The following RASA3 variants were observed in gnomAD, a reference collection of about 807,000 sequenced individuals.
RASA3 encodes the protein ras GTPase-activating protein 3.
Under a neutral mutation model 110.0 loss-of-function variants are expected in RASA3, and 73 were observed. That is an observed-to-expected ratio of 0.66 (90% CI 0.55 to 0.81). RASA3 has a LOEUF of 0.81. Among genes scored for constraint, RASA3 ranks in the 30% least tolerant of loss-of-function variants. The probability of loss-of-function intolerance (pLI) is 0.00; values close to 1 mark genes in which losing one functional copy is unlikely to be tolerated. For synonymous variants in RASA3, 500 were observed against 451.4 expected (o/e 1.11, Z -1.37); for missense variants, 976 against 1,113.2 (o/e 0.88, Z 1.75).
At chr13:114,104,829 A>G (rs1438841601) in intron 1 of RASA3, among the ~76,000 whole-genome samples, 3 of 149,528 alleles carry the variant, frequency 2.0e-5, no homozygotes, top group African/African-American at 7.4e-5. Context: ...CAGCCCACAC[A>G]TGCTCACCCC....
intron 23 of RASA3, among the ~76,000 whole-genome samples, chr13:113,980,094 T>TCC (rs2052883089): frequency 9.6e-6 from 1 of 103,670 alleles, no homozygotes; most frequent in Admixed American, 9.0e-5. Context: ...ACCTCCCACG[T>TCC]GTGTGCACCC....
At chr13:113,982,951 C>T (rs758371031) in intron 22 of RASA3, among the ~76,000 whole-genome samples, 4 of 152,160 alleles carry the variant, frequency 2.6e-5, no homozygotes, top group Admixed American at 1.3e-4. Context: ...AAGTGAATTC[C>T]TGCTGTCTGT....
At chr13:114,105,505 C>T (rs2080121171) in intron 1 of RASA3, among the ~76,000 whole-genome samples, 1 of 152,200 alleles carries the variant, frequency 6.6e-6, no homozygotes, top group Non-Finnish European at 1.5e-5. Context: ...GGAGGAGCAG[C>T]ACTGGCAGCC....
chr13:113,981,871 G>A lies in RASA3; in HGVS notation c.2246-13C>T, dbSNP rs766809458. On this transcript the variant is annotated splice_polypyrimidine_tract_variant and intron_variant, in intron 22 of 23. Coordinates refer to ENST00000334062, the MANE Select transcript of RASA3 (RefSeq NM_007368.4). ...CTCCCACAGGCCTCTGTGGAGGGCGGAGGGGTCAGCGCAGGGCAGGAGCCC... is the reference window on the plus strand; with the variant it reads ...CTCCCACAGGCCTCTGTGGAGGGCGAAGGGGTCAGCGCAGGGCAGGAGCCC... 1.9e-5 allele frequency: 31 copies of A among 1,611,998 alleles called. No homozygotes were observed. In the East Asian group the frequency reaches 6.5e-4, roughly 34 times the overall value.
At chr13:114,018,329 T>C in intron 10 of RASA3, 77 bp from the exon 11 acceptor site, 3 of 1,457,280 alleles carry the variant, frequency 2.1e-6, no homozygotes, top group Non-Finnish European at 2.7e-6. Flanking sequence ...TTGGCTGGGG[T>C]CTCACTTCCA....
chr13:114,041,286 A>G (rs894288543), intron 3 of RASA3, among the ~76,000 whole-genome samples, 192 bp from the exon 4 acceptor site: 1 of 152,236 alleles, frequency 6.6e-6, no homozygotes, highest in Admixed American at 6.5e-5. Context: ...GTCGCTTGAG[A>G]CCAGCCTGAG....
intron 1 of RASA3, among the ~76,000 whole-genome samples, chr13:114,077,397 A>G (rs759715658): frequency 9.0e-5 from 12 of 133,952 alleles, no homozygotes; most frequent in Middle Eastern, 4.6e-3. Context: ...AACGCACCCA[A>G]TTCATCCCTC....
intron 3 of RASA3, among the ~76,000 whole-genome samples, chr13:114,047,198 G>A (rs1057087177): frequency 2.6e-5 from 4 of 152,172 alleles, no homozygotes; most frequent in African/African-American, 9.7e-5. Context: ...GAATATACAG[G>A]GAACTTTAAA....
rs370614088 is a variant in RASA3 at position 114,009,498 on chromosome 13, C to T, written c.1591-34G>A. 117 of 1,412,660 alleles carry T rather than the reference C, an allele frequency of 8.3e-5. 2 individuals carry two copies. In the South Asian group the frequency reaches 8.4e-4, roughly 10 times the overall value. 87.5% of individuals were successfully genotyped at this position (1,412,660 alleles called of 1,614,324 possible). ...AAACGGAGATCACTCGAGGACAGCC[C>T]GAAGTACCTCGGCTCACGGCCCAAA... On this transcript the variant is annotated intron_variant, in intron 16 of 23. Coordinates refer to ENST00000334062, the MANE Select transcript of RASA3 (RefSeq NM_007368.4).
chr13:114,024,390 C>T (rs761741522), intron 7 of RASA3, 35 bp from the exon 8 acceptor site: 9 of 1,600,410 alleles, frequency 5.6e-6, no homozygotes, highest in South Asian at 3.3e-5. Flanking sequence ...GCTGAGACCG[C>T]GGTGCCACCA....
intron 2 of RASA3, among the ~76,000 whole-genome samples, chr13:114,069,516 G>A (rs2079521190): frequency 6.8e-5 from 6 of 87,680 alleles, no homozygotes; most frequent in Non-Finnish European, 1.4e-4. Flanking sequence ...CAGGGGGCCA[G>A]GAGACACAGG....
chr13:114,024,015 C>T (rs770915782), intron 8 of RASA3, among the ~76,000 whole-genome samples: 1 of 152,228 alleles, frequency 6.6e-6, no homozygotes, highest in African/African-American at 2.4e-5. Context: ...CTGCAGCCCC[C>T]GTCACTCCAG....
chr13:113,980,559 C>T (rs1370884648), intron 23 of RASA3, among the ~76,000 whole-genome samples: 1 of 152,270 alleles, frequency 6.6e-6, no homozygotes, highest in African/African-American at 2.4e-5. Flanking sequence ...ATGCTTCGCG[C>T]ATTTTCAACC....
chr13:114,109,845 T>C (rs2080192690), intron 1 of RASA3, among the ~76,000 whole-genome samples: 1 of 152,092 alleles, frequency 6.6e-6, no homozygotes, highest in Non-Finnish European at 1.5e-5. Context: ...GGGGGTGGCC[T>C]CGCGGCGGCA....
In RASA3 at chr13:114,057,531, TAAG is replaced by T. The variant is rs1383502187; in HGVS notation, c.174-5379_174-5377del. ...TTAGACCGATGATTTATTTAGGGAA[TAAG>T]AAGGGCGATTCCAGGGACAGTGGAG... is the stretch of plus-strand genomic sequence containing the variant. On this transcript the variant is annotated intron_variant, in intron 2 of 23. Coordinates refer to ENST00000334062, the MANE Select transcript of RASA3 (RefSeq NM_007368.4). This position sits in a 1 kb window ranked among gnomAD's most constrained non-coding sequence, Gnocchi z 5.0. 1 of 984,382 alleles carries T rather than the reference TAAG, an allele frequency of 1.0e-6. No individual in the cohort carries two copies. The highest frequency in any genetic ancestry group is 1.7e-5 in the African/African-American group (1 of 57,180). 61.0% of individuals were successfully genotyped at this position (984,382 alleles called of 1,614,324 possible).
At chr13:114,072,555 T>C (rs1486300161) in intron 2 of RASA3, among the ~76,000 whole-genome samples, 36 of 152,206 alleles carry the variant, frequency 2.4e-4, no homozygotes, top group Non-Finnish European at 1.5e-5. Flanking sequence ...TAATTTGTAC[T>C]CTTTTGTGGA....
rs749911546 is a variant in RASA3, at chr13:114,106,994, G to GC, written c.55+25440dup. ...TAACTCTTTTCCCTCCCTCAGCCAG[G>GC]CCCCCCCAGAGCCACATCTGGCAAG... On this transcript the variant is annotated intron_variant, in intron 1 of 23. Transcript: ENST00000334062. 4.6e-5 allele frequency among the ~76,000 whole-genome samples: 7 copies of GC among 152,184 alleles called. No individual in the cohort carries two copies. In the South Asian group the frequency reaches 1.2e-3, roughly 27 times the overall value.
At chr13:114,111,172 G>T (rs1358184429) in intron 1 of RASA3, among the ~76,000 whole-genome samples, 1 of 75,764 alleles carries the variant, frequency 1.3e-5, no homozygotes, top group Non-Finnish European at 2.8e-5. Flanking sequence ...GTTCTAACGG[G>T]CTGAGCCACA....
At chr13:114,058,074 C>T (rs1459114432) in intron 2 of RASA3, among the ~76,000 whole-genome samples, 1 of 152,156 alleles carries the variant, frequency 6.6e-6, no homozygotes, top group Non-Finnish European at 1.5e-5. Context: ...AGCACGGAGG[C>T]CAGAACCAGC....
Sources: gnomAD v4.1 joint callset for allele counts (sites outside exome capture counted in the v4.1 genomes callset) on GRCh38, gnomAD v4.1.1 for gene constraint, Gnocchi (gnomAD v3.1) non-coding constraint, MANE v1.5 for transcripts, NCBI Gene and HGNC (gene_info 2026-07-23, HGNC 2026-07-21) for gene names.